The following JMY variants were observed in gnomAD, a reference collection of about 807,000 sequenced individuals.
The protein encoded by JMY is junction mediating and regulatory protein, p53 cofactor, also known as junction-mediating and -regulatory protein.
In JMY, 46 loss-of-function variants were observed where a neutral mutation model predicts 103.3. The ratio of observed to expected loss-of-function variants is 0.45; its 90% CI spans 0.35 to 0.57. The LOEUF (loss-of-function observed/expected upper bound fraction) is 0.57, where lower values mean the gene tolerates loss of function less well. Among genes scored for constraint, JMY ranks in the 20% least tolerant of loss-of-function variants. The pLI is 0.00. For missense variants in JMY, 1,238 were observed against 1,255.2 expected (o/e 0.99, Z 0.21); for synonymous variants, 526 against 489.3 (o/e 1.07, Z -0.99).
At chr5:79,312,696 T>A (rs932009778) in intron 8 of JMY, among the ~76,000 whole-genome samples, 198 bp downstream of exon 8, 2 of 152,184 alleles carry the variant, frequency 1.3e-5, no homozygotes, top group African/African-American at 4.8e-5. Context: ...GAATTTAGTA[T>A]TCTTGTGACC....
At chr5:79,274,349 T>A (rs1007429590) in intron 1 of JMY, among the ~76,000 whole-genome samples, 5 of 152,236 alleles carry the variant, frequency 3.3e-5, no homozygotes, top group African/African-American at 1.2e-4. Flanking sequence ...TCCATATCTG[T>A]TTCATCTTAT....
At chr5:79,256,051 G>C (rs1745234844) in intron 1 of JMY, among the ~76,000 whole-genome samples, 1 of 152,216 alleles carries the variant, frequency 6.6e-6, no homozygotes, top group African/African-American at 2.4e-5. Flanking sequence ...TCCCTGATGG[G>C]TCCTTTCTGG....
chr5:79,321,846 G>C lies in JMY; in HGVS notation c.*244G>C, dbSNP rs1298915012. On this transcript the variant is annotated 3_prime_UTR_variant, in exon 11 of 11. Coordinates refer to ENST00000396137, the MANE Select transcript of JMY (RefSeq NM_152405.5). Reference sequence around the variant, plus strand: ...TGCAATGAAGAAAAGGCCTTCTGGAGATTTCTGTTTTTTAAGCACATTCTC... The same window carrying C: ...TGCAATGAAGAAAAGGCCTTCTGGACATTTCTGTTTTTTAAGCACATTCTC... The C allele has an allele frequency of 6.6e-6, 1 of 152,192 alleles. No individual in the cohort carries two copies. Among genetic ancestry groups the C allele is most frequent in the African/African-American group, 2.4e-5 (1 of 41,438 alleles). The allele number at this position is 152,192 out of a possible 1,614,324, so 9.4% of individuals were successfully genotyped here.
At chr5:79,243,990 C>CT (rs1318440640) in intron 1 of JMY, among the ~76,000 whole-genome samples, 3 of 150,146 alleles carry the variant, frequency 2.0e-5, no homozygotes, top group Non-Finnish European at 3.0e-5. Flanking sequence ...AGATTTCTTT[C>CT]TTTTTTCTTT....
intron 1 of JMY, among the ~76,000 whole-genome samples, chr5:79,266,379 T>C (rs1026234896): frequency 6.6e-6 from 1 of 152,218 alleles, no homozygotes; most frequent in African/African-American, 2.4e-5. Flanking sequence ...TCCACAAATA[T>C]CGTTCTTTCT....
At chr5:79,302,119 G>A (rs1038171651) in intron 6 of JMY, among the ~76,000 whole-genome samples, 1 of 149,846 alleles carries the variant, frequency 6.7e-6, no homozygotes, top group Non-Finnish European at 1.5e-5. Flanking sequence ...AGTGATTTCA[G>A]CAGGTCTTAT....
rs774486593 is a variant in JMY, at chr5:79,290,203, A to G, written c.1289A>G (p.His430Arg). The change falls in exon 3 of 11, where the codon CAC becomes CGC. Residue 430 changes from histidine to arginine, a missense_variant. Physicochemically the swap from His to Arg is conservative, Grantham distance 29. Transcript: ENST00000396137. The part of the protein sequence containing the change: ...KEDADWQRKA[H>R]MAVLSIQDLT... ...GATGCTGATTGGCAGCGGAAAGCTC[A>G]CATGGCTGTACTGTCTATTCAAGAT... 2.5e-6 allele frequency: 4 copies of G among 1,593,468 alleles called. No homozygotes were observed. In the African/African-American group the frequency reaches 5.4e-5, roughly 21 times the overall value.
At chr5:79,286,414 G>A (rs549417995) in intron 2 of JMY, among the ~76,000 whole-genome samples, 2 of 152,284 alleles carry the variant, frequency 1.3e-5, no homozygotes, top group Admixed American at 6.5e-5. Context: ...GCCGAGGTGG[G>A]CAAATCACCT....
At chr5:79,252,552 A>T (rs1385104849) in intron 1 of JMY, among the ~76,000 whole-genome samples, 1 of 152,158 alleles carries the variant, frequency 6.6e-6, no homozygotes, top group African/African-American at 2.4e-5. Context: ...TCCTGCGCTG[A>T]AAGTGGGATG....
At chr5:79,289,242 A>C (rs564745896) in intron 2 of JMY, among the ~76,000 whole-genome samples, 329 of 151,962 alleles carry the variant, frequency 2.2e-3, no homozygotes, top group Admixed American at 5.9e-3. Flanking sequence ...CTCAAAAAAA[A>C]AAAAAAAAAA....
At chr5:79,254,153 C>T (rs1283452000) in intron 1 of JMY, among the ~76,000 whole-genome samples, 3 of 150,270 alleles carry the variant, frequency 2.0e-5, no homozygotes, top group African/African-American at 4.9e-5. Flanking sequence ...CGGGGTTTCG[C>T]GATGTTGGGA....
chr5:79,275,672 A>G (rs1334010231), intron 1 of JMY, among the ~76,000 whole-genome samples: 14 of 152,184 alleles, frequency 9.2e-5, no homozygotes, highest in African/African-American at 3.4e-4. Context: ...TGTTGTTGTT[A>G]TCAGTGGCAA....
At chr5:79,319,276 G>A (rs955712288) in intron 10 of JMY, among the ~76,000 whole-genome samples, 4 of 152,092 alleles carry the variant, frequency 2.6e-5, no homozygotes, top group Non-Finnish European at 2.9e-5. Flanking sequence ...AACTTTTTTC[G>A]GGGGTGTGGG....
chr5:79,292,014 A>G (rs1746436387), intron 4 of JMY, among the ~76,000 whole-genome samples: 1 of 152,192 alleles, frequency 6.6e-6, no homozygotes, highest in Non-Finnish European at 1.5e-5. Context: ...TGAAGTGCTT[A>G]TGCTCATATA....
intron 1 of JMY, among the ~76,000 whole-genome samples, chr5:79,261,191 G>A (rs1367592508): frequency 6.6e-6 from 1 of 151,986 alleles, no homozygotes. Context: ...TTGCCCACAA[G>A]CAAATTCATA....
chr5:79,306,909 C>G (rs1393270473), intron 7 of JMY, among the ~76,000 whole-genome samples: 1 of 152,238 alleles, frequency 6.6e-6, no homozygotes, highest in Admixed American at 6.5e-5. Context: ...TCCCTTTGTT[C>G]CGCTACTCAT....
chr5:79,246,403 A>G (rs1355053161), intron 1 of JMY, among the ~76,000 whole-genome samples: 3 of 152,182 alleles, frequency 2.0e-5, no homozygotes, highest in Non-Finnish European at 4.4e-5. Context: ...AGCACTTTAC[A>G]AAGATCTTTG....
intron 1 of JMY, among the ~76,000 whole-genome samples, chr5:79,270,673 AAATATATTTATATT>A (rs1314426414): frequency 3.5e-5 from 4 of 113,214 alleles, no homozygotes; most frequent in Admixed American, 9.5e-5. Flanking sequence ...CATAAATATA[AAATATATTTATATT>A]AATATATTTA....
chr5:79,293,315 C>A (rs1255656761), intron 4 of JMY, among the ~76,000 whole-genome samples: 1 of 146,700 alleles, frequency 6.8e-6, no homozygotes, highest in Non-Finnish European at 1.6e-5. Context: ...AGGCAAAATT[C>A]TGTTTGACTT....
Sources: allele counts gnomAD v4.1 joint callset (sites outside exome capture counted in the v4.1 genomes callset), GRCh38; gene constraint gnomAD v4.1.1; transcripts MANE v1.5; gene names NCBI Gene and HGNC (gene_info 2026-07-23, HGNC 2026-07-21).